C18orf63: variants seen among roughly 807,000 people sequenced by gnomAD.
C18orf63 encodes chromosome 18 open reading frame 63, also known as uncharacterized protein C18orf63.
C18orf63 carries 50 observed loss-of-function variants against 75.3 expected under a neutral mutation model. The ratio of observed to expected loss-of-function variants is 0.66; its 90% CI spans 0.53 to 0.84. C18orf63 has a LOEUF of 0.84. C18orf63 is among the 40% of genes least tolerant of loss of function. The pLI is 0.00. For synonymous variants in C18orf63, 232 were observed against 267.6 expected, an observed-to-expected ratio of 0.87 and a Z score of 1.30; for missense variants, 732 against 800.2, an observed-to-expected ratio of 0.91 and a Z score of 1.03.
At chr18:74,344,814 G>T (rs1359233787) in intron 11 of C18orf63, among the ~76,000 whole-genome samples, 2 of 152,010 alleles carry the variant, frequency 1.3e-5, no homozygotes, top group African/African-American at 4.8e-5. Context: ...AATTTATTCA[G>T]AATATTATTG....
chr18:74,333,414 A>G (rs1295371490), intron 7 of C18orf63, among the ~76,000 whole-genome samples: 3 of 152,156 alleles, frequency 2.0e-5, no homozygotes, highest in African/African-American at 7.2e-5. Context: ...ACCTAAGACT[A>G]GATAATTTAT....
intron 8 of C18orf63, among the ~76,000 whole-genome samples, chr18:74,339,509 T>A (rs1259873394): frequency 6.6e-6 from 1 of 152,142 alleles, no homozygotes; most frequent in Non-Finnish European, 1.5e-5. Context: ...ATAAAGGCCA[T>A]ATATGACAAA....
chr18:74,330,502 CTCT>C (rs1359045560), intron 6 of C18orf63, among the ~76,000 whole-genome samples: 1 of 152,002 alleles, frequency 6.6e-6, no homozygotes, highest in Admixed American at 6.6e-5. Context: ...GGTGTGATAC[CTCT>C]TTAGATTACA....
intron 11 of C18orf63, among the ~76,000 whole-genome samples, chr18:74,345,479 G>T (rs111746321): frequency 6.6e-6 from 1 of 151,828 alleles, no homozygotes; most frequent in Non-Finnish European, 1.5e-5. Context: ...GAAGGTATTC[G>T]CCTCTAATAT....
At chr18:74,317,325 A>C (rs1394447222) in intron 1 of C18orf63, among the ~76,000 whole-genome samples, 1 of 152,244 alleles carries the variant, frequency 6.6e-6, no homozygotes, top group Non-Finnish European at 1.5e-5. Flanking sequence ...ATAGAATTTG[A>C]AAGCTGGATA....
chr18:74,337,921 T>C (rs1422316142), intron 7 of C18orf63, among the ~76,000 whole-genome samples: 2 of 152,058 alleles, frequency 1.3e-5, no homozygotes, highest in Non-Finnish European at 2.9e-5. Context: ...AGTTGTCCAG[T>C]TTAGTTGGAC....
At chr18:74,335,725 A>T (rs1459334278) in intron 7 of C18orf63, among the ~76,000 whole-genome samples, 1 of 152,124 alleles carries the variant, frequency 6.6e-6, no homozygotes, top group East Asian at 1.9e-4. Context: ...ACTGGGTACT[A>T]CTATGTATAT....
rs1327596281 is a variant in C18orf63 at position 74,344,592 on chromosome 18, G to A, written c.978+890G>A. 4.6e-5 allele frequency among the ~76,000 whole-genome samples: 7 copies of A among 151,832 alleles called. No individual in the cohort carries two copies. The South Asian group carries it at 6.2e-4, about 14-fold the overall frequency. ...TACTATGGAAATTATTCCTTGTTTC[G>A]TTTTTATCAACTAAGTATGTGTCCT... On this transcript the variant is annotated intron_variant, in intron 11 of 13. Transcript: ENST00000579455.
chr18:74,331,864 C>A (rs1984313260), intron 7 of C18orf63, among the ~76,000 whole-genome samples: 1 of 152,282 alleles, frequency 6.6e-6, no homozygotes, highest in Non-Finnish European at 1.5e-5. Flanking sequence ...TTGATTACCT[C>A]TTATGTGGAT....
intron 7 of C18orf63, among the ~76,000 whole-genome samples, chr18:74,332,591 T>C (rs546429875): frequency 6.6e-6 from 1 of 152,052 alleles, no homozygotes; most frequent in East Asian, 1.9e-4. Flanking sequence ...TAATCCCAGC[T>C]ACTCGGGAGG....
intron 2 of C18orf63, among the ~76,000 whole-genome samples, chr18:74,320,275 T>A (rs1245747231): frequency 6.6e-6 from 1 of 152,122 alleles, no homozygotes; most frequent in African/African-American, 2.4e-5. Flanking sequence ...AGCAAGCACC[T>A]TCTTCTAATG....
In C18orf63 at chr18:74,327,965, G is replaced by A. The variant is rs991296917; in HGVS notation, c.289G>A (p.Val97Ile). 2 of 1,534,826 alleles carry A rather than the reference G, an allele frequency of 1.3e-6. No individual in the cohort carries two copies. The highest frequency in any genetic ancestry group is 2.0e-5 in the Admixed American group (1 of 50,984). The change falls in exon 5 of 14, where the codon GTA (valine) becomes ATA (isoleucine). Residue 97 changes from valine to isoleucine, a missense_variant. Physicochemically the swap from Val to Ile is conservative, Grantham distance 29. Transcript: ENST00000579455. ...TTTTTAGATGGAGGCTCCACAAAGA[G>A]TAATTCCTGTAATTCTTCAGAACTG... ...YGAKMEAPQR[V>I]IPVILQNCLS...
chr18:74,324,719 C>A (rs771922978), intron 4 of C18orf63, among the ~76,000 whole-genome samples: 2 of 152,150 alleles, frequency 1.3e-5, no homozygotes, highest in Non-Finnish European at 2.9e-5. Flanking sequence ...CTATATTTTT[C>A]CTCCACCTTG....
intron 11 of C18orf63, among the ~76,000 whole-genome samples, chr18:74,349,049 TA>T (rs1984621765): frequency 6.6e-6 from 1 of 152,346 alleles, no homozygotes; most frequent in Admixed American, 6.5e-5. Context: ...CGAATACAAA[TA>T]ACTTATATGA....
At chr18:74,334,735 TCCCCTTTC>T in intron 7 of C18orf63, among the ~76,000 whole-genome samples, 1 of 152,064 alleles carries the variant, frequency 6.6e-6, no homozygotes, top group Admixed American at 6.6e-5. Flanking sequence ...TGCTTTCATT[TCCCCTTTC>T]AAAAATCTAC....
At chr18:74,340,415 A>T (rs1984461520) in intron 8 of C18orf63, among the ~76,000 whole-genome samples, 1 of 152,246 alleles carries the variant, frequency 6.6e-6, no homozygotes, top group Admixed American at 6.5e-5. Context: ...GAGAATGTAA[A>T]TTAGTTCAGC....
intron 7 of C18orf63, among the ~76,000 whole-genome samples, chr18:74,334,925 A>G (rs992356780): frequency 6.6e-6 from 1 of 152,072 alleles, no homozygotes; most frequent in Non-Finnish European, 1.5e-5. Context: ...TCATCCTTCC[A>G]TGTCTTTGAT....
intron 1 of C18orf63, among the ~76,000 whole-genome samples, 162 bp from the exon 2 acceptor site, chr18:74,317,672 C>A (rs547939411): frequency 8.5e-5 from 13 of 152,184 alleles, no homozygotes; most frequent in Non-Finnish European, 1.5e-4. Context: ...CATTAGAAGA[C>A]CTTAAAGGTA....
chr18:74,320,396 A>G (rs1599284672), intron 2 of C18orf63, 117 bp from the exon 3 acceptor site: 1 of 609,332 alleles, frequency 1.6e-6, no homozygotes, highest in Non-Finnish European at 2.8e-6. Context: ...CCATGAGCCA[A>G]TCACTTCCCA....
Sources: allele counts gnomAD v4.1 joint callset (sites outside exome capture counted in the v4.1 genomes callset), GRCh38; gene constraint gnomAD v4.1.1; transcripts MANE v1.5; gene names NCBI Gene and HGNC (gene_info 2026-07-23, HGNC 2026-07-21).